Variants in NCOR1 observed in about 807,000 individuals in gnomAD.
NCOR1 encodes the protein protein phosphatase 1, regulatory subunit 109.
NCOR1 carries 63 observed loss-of-function variants against 288.1 expected under a neutral mutation model. The observed-to-expected ratio is 0.22, with a 90% CI of 0.18 to 0.27. The LOEUF is 0.27. Ranked by LOEUF, NCOR1 falls within the 10% of genes least tolerant of loss-of-function variation. The pLI is 1.00. For missense variants in NCOR1, 2,397 were observed against 3,019.2 expected (o/e 0.79, Z 4.83); for synonymous variants, 1,007 against 1,065.9 (o/e 0.94, Z 1.08).
chr17:16,047,776 T>G (rs2152245258), intron 41 of NCOR1, among the ~76,000 whole-genome samples: 1 of 152,274 alleles, frequency 6.6e-6, no homozygotes, highest in Non-Finnish European at 1.5e-5. Flanking sequence ...GACTATAGGT[T>G]ATTGAAAACC....
intron 3 of NCOR1, among the ~76,000 whole-genome samples, chr17:16,184,478 G>A (rs1326747803): frequency 6.6e-6 from 1 of 152,160 alleles, no homozygotes; most frequent in African/African-American, 2.4e-5. Context: ...AGTATCATTA[G>A]TCATCAGGGA....
At chr17:16,210,930 A>C (rs2092064919) in intron 1 of NCOR1, among the ~76,000 whole-genome samples, 2 of 152,002 alleles carry the variant, frequency 1.3e-5, no homozygotes, top group African/African-American at 4.8e-5. Context: ...ACAGGGTTTC[A>C]TCATGTTGGC....
intron 21 of NCOR1, among the ~76,000 whole-genome samples, chr17:16,096,807 G>C (rs1460065474): frequency 1.3e-5 from 2 of 152,104 alleles, no homozygotes; most frequent in East Asian, 3.8e-4. Flanking sequence ...GAGGATGTAA[G>C]AAAAACCAAG....
intron 8 of NCOR1, among the ~76,000 whole-genome samples, chr17:16,150,103 T>G (rs1482110872): frequency 6.6e-6 from 1 of 152,140 alleles, no homozygotes; most frequent in Non-Finnish European, 1.5e-5. Context: ...CATTGTGACC[T>G]TCAAAAACAA....
chr17:16,091,624 A>G (rs888061308), intron 22 of NCOR1: 37 of 1,355,942 alleles, frequency 2.7e-5, no homozygotes, highest in Non-Finnish European at 3.2e-5. Context: ...ACAAAGATGA[A>G]TATCAGAAAA....
chr17:16,208,349 T>G (rs1162662784), intron 1 of NCOR1, among the ~76,000 whole-genome samples: 1 of 148,012 alleles, frequency 6.8e-6, no homozygotes, highest in Non-Finnish European at 1.5e-5. Context: ...TGAGCCACCA[T>G]GCCTGGCCAA....
In NCOR1 at chr17:16,065,600, T is replaced by C. The variant is rs2061029006; in HGVS notation, c.4836A>G (p.Thr1612=). The part of the protein sequence containing the change: ...QLYAMENTRQ[T]ILNDYITSQQ... ...GTGAGGTAATGTAATCATTTAAGAT[T>C]GTCTGTCTTGTGTTCTCCATTGCGT... Residue 1612 remains threonine, a synonymous_variant, in exon 33 of 46, where the codon ACA becomes ACG. Transcript: ENST00000268712. 3.1e-6 allele frequency: 5 copies of C among 1,614,106 alleles called. No homozygotes were observed. Among genetic ancestry groups the C allele is most frequent in the Non-Finnish European group, 3.4e-6 (4 of 1,180,048 alleles).
chr17:16,110,761 G>A (rs1173705058), intron 18 of NCOR1, among the ~76,000 whole-genome samples: 2 of 152,174 alleles, frequency 1.3e-5, no homozygotes, highest in African/African-American at 4.8e-5. Context: ...TCATGCGGAT[G>A]ATATTTAGGA....
At chr17:16,088,025 G>C (rs911854110) in intron 22 of NCOR1, among the ~76,000 whole-genome samples, 3 of 152,002 alleles carry the variant, frequency 2.0e-5, no homozygotes, top group Non-Finnish European at 4.4e-5. Flanking sequence ...AATCAAAAAA[G>C]CACAAAGTAA....
chr17:16,213,001 G>C (rs1374617283), intron 1 of NCOR1, among the ~76,000 whole-genome samples: 1 of 149,786 alleles, frequency 6.7e-6, no homozygotes, highest in Non-Finnish European at 1.5e-5. Context: ...TGAGTCCAGA[G>C]GTCAAGGCTG....
At chr17:16,215,146 T>C (rs2092445249) in intron 1 of NCOR1, among the ~76,000 whole-genome samples, 1 of 152,142 alleles carries the variant, frequency 6.6e-6, no homozygotes, top group Non-Finnish European at 1.5e-5. Context: ...AAGCCTCCGC[T>C]AGCCCAGCCC....
intron 3 of NCOR1, among the ~76,000 whole-genome samples, chr17:16,175,672 G>A (rs1237867565): frequency 6.6e-6 from 1 of 152,036 alleles, no homozygotes; most frequent in Admixed American, 6.6e-5. Context: ...AGGATCGCTT[G>A]ATGCTGGGAG....
chr17:16,081,215 T>G (rs1162247073), intron 23 of NCOR1, among the ~76,000 whole-genome samples: 3 of 50,466 alleles, frequency 5.9e-5, no homozygotes, highest in South Asian at 5.5e-4. Flanking sequence ...TTTCTTTTTG[T>G]TTTTTTTTTT....
chr17:16,117,939 G>T lies in NCOR1; in HGVS notation c.2004C>A (p.Asn668Lys), dbSNP rs762054915. The change falls in exon 18 of 46, where the codon AAC (asparagine) becomes AAA (lysine). Residue 668 changes from asparagine (N) to lysine (K), a missense_variant. This residue lies in a region of NCOR1 where 24 missense variants were observed against 84.3 expected (regional missense o/e 0.28). Transcript: ENST00000268712. ...SEAQCKNFYF[N>K]YKRRHNLDNL... ...TGTCAAGATTGTGTCGCCTTTTATA[G>T]TTAAAATAGAAGTTTTTACATTGAG... 6.2e-7 allele frequency: 1 copy of T among 1,613,996 alleles called. No homozygotes were observed. The highest frequency in any genetic ancestry group is 8.5e-7 in the Non-Finnish European group (1 of 1,179,948).
At chr17:16,213,760 G>A (rs1208492648) in intron 1 of NCOR1, among the ~76,000 whole-genome samples, 1 of 152,144 alleles carries the variant, frequency 6.6e-6, no homozygotes, top group African/African-American at 2.4e-5. Flanking sequence ...TATTCAAGAT[G>A]AGGAAACTGA....
At chr17:16,186,199 C>A (rs1023917961) in intron 3 of NCOR1, among the ~76,000 whole-genome samples, 1 of 152,054 alleles carries the variant, frequency 6.6e-6, no homozygotes, top group Non-Finnish European at 1.5e-5. Flanking sequence ...AAAACTTCGG[C>A]GATAAAATAA....
At chr17:16,154,589 G>T (rs986422961) in intron 6 of NCOR1, among the ~76,000 whole-genome samples, 1 of 152,156 alleles carries the variant, frequency 6.6e-6, no homozygotes, top group Non-Finnish European at 1.5e-5. Context: ...TTGCTAACAA[G>T]GGAACATCCA....
intron 9 of NCOR1, 91 bp from the exon 10 acceptor site, chr17:16,146,639 G>T: frequency 8.4e-7 from 1 of 1,187,446 alleles, no homozygotes. Flanking sequence ...ACTTCTTAAG[G>T]TTAAGTCAGA....
At position 16,181,205 on chromosome 17, in the gene NCOR1, A is replaced by ATATGTATGTATG. The variant is rs138045717; in HGVS notation, c.242+5348_242+5349insCATACATACATA. Among the ~76,000 whole-genome samples, 977 of 99,018 alleles carry ATATGTATGTATG rather than the reference A, an allele frequency of 9.9e-3. 8 individuals carry two copies. Among genetic ancestry groups the ATATGTATGTATG allele is most frequent in the Non-Finnish European group, 0.013 (655 of 49,220 alleles). 65.0% of individuals were successfully genotyped at this position (99,018 alleles called of 152,430 possible). Reference sequence around the variant, plus strand: ...ATGTGATGTGTGTGTGTATACATATATATGTATGTGTGTGTGTGTGTGTGT... The same window carrying ATATGTATGTATG: ...ATGTGATGTGTGTGTGTATACATATATATGTATGTATGTATGTATGTGTGTGTGTGTGTGTGT... On this transcript the variant is annotated intron_variant, in intron 3 of 45. Transcript: ENST00000268712.
Sources: allele counts gnomAD v4.1 joint callset (sites outside exome capture counted in the v4.1 genomes callset), GRCh38; gene constraint gnomAD v4.1.1; regional missense constraint gnomAD v4.1.1; transcripts MANE v1.5; gene names NCBI Gene and HGNC (gene_info 2026-07-23, HGNC 2026-07-21).